TMCO5A: variants seen among roughly 807,000 people sequenced by gnomAD.
TMCO5A encodes the protein transmembrane and coiled-coil domains 5A.
TMCO5A carries 34 observed loss-of-function variants against 42.3 expected under a neutral mutation model. The observed-to-expected ratio is 0.80, with a 90% CI of 0.61 to 1.07. The LOEUF (loss-of-function observed/expected upper bound fraction) is 1.07, where lower values mean the gene tolerates loss of function less well. Among genes scored for constraint, TMCO5A ranks in the 50% least tolerant of loss-of-function variants. The pLI is 0.00. For missense variants in TMCO5A, 357 were observed against 327.9 expected, an observed-to-expected ratio of 1.09 and a Z score of -0.69; for synonymous variants, 131 against 115.6, an observed-to-expected ratio of 1.13 and a Z score of -0.86.
At chr15:37,990,059 G>T in the TMCO5A span, among the ~76,000 whole-genome samples, 1 of 152,032 alleles carries the variant, frequency 6.6e-6, no homozygotes, top group Non-Finnish European at 1.5e-5. Context: ...GGTCTGTCCT[G>T]AAGAATGTTC....
Position 37,943,521 on chromosome 15 carries a change from C to T in TMCO5A, c.627+123C>T, listed in dbSNP as rs1056964759. ...CCATGCGCATTTTCCAAGAACAGTACCAGCTATAATTACAGAGCATTCCAA... is the reference window on the plus strand; with the variant it reads ...CCATGCGCATTTTCCAAGAACAGTATCAGCTATAATTACAGAGCATTCCAA... On this transcript the variant is annotated intron_variant, in intron 10 of 11. Coordinates refer to ENST00000319669, the MANE Select transcript of TMCO5A (RefSeq NM_152453.4). The T allele has an allele frequency of 2.9e-5, 25 of 856,902 alleles. No individual in the cohort carries two copies. The Admixed American group carries it at 4.4e-4, about 15-fold the overall frequency. 53.1% of individuals were successfully genotyped at this position (856,902 alleles called of 1,614,324 possible).
At chr15:38,008,174 C>A in the TMCO5A span, among the ~76,000 whole-genome samples, 1 of 151,304 alleles carries the variant, frequency 6.6e-6, no homozygotes, top group Non-Finnish European at 1.5e-5. Flanking sequence ...AGATTACAGG[C>A]GTGAGCCACC....
the TMCO5A span, among the ~76,000 whole-genome samples, chr15:37,976,171 G>A: frequency 6.6e-6 from 1 of 151,862 alleles, no homozygotes; most frequent in Non-Finnish European, 1.5e-5. Context: ...CTTGAACCTG[G>A]GAGGTGGAAG....
the TMCO5A span, among the ~76,000 whole-genome samples, chr15:37,998,933 T>G: frequency 2.6e-5 from 4 of 152,088 alleles, no homozygotes; most frequent in Admixed American, 2.0e-4. Context: ...TGAGATGGAG[T>G]TTCGCTCTTG....
the TMCO5A span, among the ~76,000 whole-genome samples, chr15:38,035,886 G>C: frequency 9.2e-5 from 14 of 152,142 alleles, no homozygotes; most frequent in Non-Finnish European, 1.3e-4. Context: ...CCCAGCCATG[G>C]TCAAAAACAG....
the TMCO5A span, among the ~76,000 whole-genome samples, chr15:37,999,789 A>AT: frequency 6.6e-6 from 1 of 151,924 alleles, no homozygotes; most frequent in Non-Finnish European, 1.5e-5. Flanking sequence ...AATGATCATG[A>AT]TTTTGTCCTT....
chr15:38,014,440 C>A, the TMCO5A span, among the ~76,000 whole-genome samples: 2 of 152,098 alleles, frequency 1.3e-5, no homozygotes, highest in Non-Finnish European at 2.9e-5. Flanking sequence ...TCAACTTTAA[C>A]CCTCCTTCTA....
chr15:38,033,811 A>C, the TMCO5A span, among the ~76,000 whole-genome samples: 1 of 151,924 alleles, frequency 6.6e-6, no homozygotes, highest in African/African-American at 2.4e-5. Context: ...ACAGGGTTTC[A>C]CCATGTTAGC....
At chr15:37,983,318 A>G in the TMCO5A span, among the ~76,000 whole-genome samples, 5 of 152,200 alleles carry the variant, frequency 3.3e-5, no homozygotes, top group Non-Finnish European at 7.3e-5. Context: ...TCAGTTCACA[A>G]ATAAGCCAGA....
intron 9 of TMCO5A, 169 bp downstream of exon 9, chr15:37,942,424 TA>T (rs1361565414): frequency 1.7e-6 from 1 of 585,266 alleles, no homozygotes; most frequent in African/African-American, 1.8e-5. Context: ...CACACCAACT[TA>T]AAACTTCCAG....
At chr15:38,039,494 A>T in the TMCO5A span, among the ~76,000 whole-genome samples, 1 of 151,938 alleles carries the variant, frequency 6.6e-6, no homozygotes, top group Non-Finnish European at 1.5e-5. Flanking sequence ...TCTTTTAGTG[A>T]CTCTTTTTGG....
chr15:37,942,482 C>T (rs945789791), intron 9 of TMCO5A: 7 of 483,946 alleles, frequency 1.4e-5, no homozygotes, highest in Admixed American at 3.4e-5. Context: ...CATCTCCCTT[C>T]GTAATGTTAT....
chr15:38,033,086 C>T, the TMCO5A span, among the ~76,000 whole-genome samples: 2 of 152,064 alleles, frequency 1.3e-5, no homozygotes, highest in South Asian at 2.1e-4. Flanking sequence ...AGCCACCTCG[C>T]CCGGCTAATT....
intron 2 of TMCO5A, chr15:37,935,871 C>A (rs1251137105): frequency 6.6e-6 from 1 of 152,192 alleles, no homozygotes; most frequent in Non-Finnish European, 1.5e-5. Flanking sequence ...TGGTGGAAAC[C>A]CCTTGTGGCT....
intron 9 of TMCO5A, chr15:37,943,104 T>C (rs1889808928): frequency 5.4e-6 from 2 of 368,106 alleles, no homozygotes; most frequent in Admixed American, 4.4e-5. Context: ...CCAGTAGAAT[T>C]TTCTGTGCTA....
the TMCO5A span, among the ~76,000 whole-genome samples, chr15:37,988,054 CTTTG>C: frequency 6.6e-6 from 1 of 151,612 alleles, no homozygotes; most frequent in African/African-American, 2.4e-5. Context: ...TCATAATTTT[CTTTG>C]TTTCTCTTTT....
Position 37,938,240 on chromosome 15 carries a change from AAAAC to A in TMCO5A, c.387+14_387+17del, listed in dbSNP as rs1481338058. On this transcript the variant is annotated intron_variant, in intron 6 of 11. Coordinates refer to ENST00000319669, the MANE Select transcript of TMCO5A (RefSeq NM_152453.4). ...CTAGAAGAGACAAAGGTAAATGAAA[AAAAC>A]AATCCTAAATGTGGTTGGGCTATGT... The A allele has an allele frequency of 6.4e-7, 1 of 1,559,192 alleles. No homozygotes were observed. Among genetic ancestry groups the A allele is most frequent in the Non-Finnish European group, 8.7e-7 (1 of 1,150,324 alleles).
the TMCO5A span, among the ~76,000 whole-genome samples, chr15:37,989,789 A>G: frequency 1.3e-5 from 2 of 152,046 alleles, no homozygotes; most frequent in Admixed American, 6.6e-5. Context: ...ACATTCTAAC[A>G]TGGTGGAATA....
chr15:37,988,462 A>C, the TMCO5A span, among the ~76,000 whole-genome samples: 1 of 151,998 alleles, frequency 6.6e-6, no homozygotes, highest in African/African-American at 2.4e-5. Flanking sequence ...TTCACCATTG[A>C]GTATGATGTT....
Sources: gnomAD v4.1 joint callset for allele counts (sites outside exome capture counted in the v4.1 genomes callset) on GRCh38, gnomAD v4.1.1 for gene constraint, MANE v1.5 for transcripts, NCBI Gene and HGNC (gene_info 2026-07-23, HGNC 2026-07-21) for gene names.